Variants in CCDC25 observed in about 807,000 individuals in gnomAD.
CCDC25 encodes the protein coiled-coil domain containing 25, also known as coiled-coil domain-containing protein 25.
A neutral mutation model predicts 35.3 loss-of-function variants in CCDC25; 16 were observed. The ratio of observed to expected loss-of-function variants is 0.45; its 90% CI spans 0.31 to 0.69. The LOEUF is 0.69. Among genes scored for constraint, CCDC25 ranks in the 30% least tolerant of loss-of-function variants. The pLI is 0.06. For synonymous variants in CCDC25, 79 were observed against 80.3 expected (o/e 0.98, Z 0.09); for missense variants, 179 against 250.7 (o/e 0.71, Z 1.93).
intron 5 of CCDC25, among the ~76,000 whole-genome samples, chr8:27,750,578 C>G (rs1803764388): frequency 6.6e-6 from 1 of 152,102 alleles, no homozygotes. Context: ...CAATACAAGC[C>G]AGGTGCAAGG....
chr8:27,751,468 C>T (rs1029232331), intron 5 of CCDC25, among the ~76,000 whole-genome samples: 1 of 152,170 alleles, frequency 6.6e-6, no homozygotes, highest in Non-Finnish European at 1.5e-5. Flanking sequence ...ATTCAGGCAG[C>T]CTAAGTGAAG....
At chr8:27,751,264 G>C (rs1803793883) in intron 5 of CCDC25, among the ~76,000 whole-genome samples, 1 of 152,184 alleles carries the variant, frequency 6.6e-6, no homozygotes, top group Non-Finnish European at 1.5e-5. Flanking sequence ...CAGAAGGAAA[G>C]AATATAATGA....
intron 7 of CCDC25, 111 bp from the exon 8 acceptor site, chr8:27,740,628 A>G (rs1423349508): frequency 9.7e-6 from 8 of 824,196 alleles, no homozygotes; most frequent in African/African-American, 5.2e-5. Flanking sequence ...TAGAAGAAAC[A>G]CAAGAGCTAT....
intron 8 of CCDC25, among the ~76,000 whole-genome samples, chr8:27,739,880 C>T (rs1388799574): frequency 2.6e-5 from 4 of 152,142 alleles, no homozygotes; most frequent in African/African-American, 4.8e-5. Flanking sequence ...GAAAGACAGC[C>T]CTCAAGGACA....
intron 3 of CCDC25, among the ~76,000 whole-genome samples, chr8:27,759,470 A>G (rs1804137042): frequency 6.6e-6 from 1 of 152,060 alleles, no homozygotes; most frequent in South Asian, 2.1e-4. Flanking sequence ...TTAGCCAGGC[A>G]CAGTGGCGGG....
At chr8:27,756,546 T>C (rs1804010237) in intron 4 of CCDC25, 173 bp downstream of exon 4, 3 of 585,260 alleles carry the variant, frequency 5.1e-6, no homozygotes. Context: ...TCAAAAATCA[T>C]CTAGAATGTT....
intron 7 of CCDC25, 35 bp downstream of exon 7, chr8:27,748,042 T>C (rs1234657688): frequency 2.5e-6 from 4 of 1,585,290 alleles, no homozygotes; most frequent in South Asian, 1.1e-5. Context: ...GGAATAATCT[T>C]TGAGGTCAGT....
intron 4 of CCDC25, 151 bp downstream of exon 4, chr8:27,756,568 C>G (rs557085008): frequency 5.0e-6 from 3 of 602,718 alleles, no homozygotes; most frequent in East Asian, 5.6e-5. Flanking sequence ...GAGTGATTTT[C>G]TGGGTCAGAG....
At chr8:27,761,499 G>A (rs1381117624) in intron 3 of CCDC25, among the ~76,000 whole-genome samples, 2 of 152,212 alleles carry the variant, frequency 1.3e-5, no homozygotes, top group African/African-American at 2.4e-5. Context: ...ATAGTTAAGT[G>A]CTTGACAGAT....
At chr8:27,771,358 T>C (rs1804608495) in intron 1 of CCDC25, among the ~76,000 whole-genome samples, 1 of 152,218 alleles carries the variant, frequency 6.6e-6, no homozygotes, top group Non-Finnish European at 1.5e-5. Flanking sequence ...GAATGTATTC[T>C]TGTCATTAAG....
chr8:27,766,383 C>A (rs1804400196), intron 1 of CCDC25, among the ~76,000 whole-genome samples: 1 of 151,754 alleles, frequency 6.6e-6, no homozygotes, highest in African/African-American at 2.4e-5. Flanking sequence ...TAATGAGAAG[C>A]TTCTTAAATG....
intron 5 of CCDC25, 100 bp downstream of exon 5, chr8:27,752,412 G>T: frequency 1.1e-6 from 1 of 890,802 alleles, no homozygotes; most frequent in Non-Finnish European, 1.8e-6. Context: ...GTTATTCTTT[G>T]ATGGAGGCCA....
At chr8:27,767,920 T>G (rs563405873) in intron 1 of CCDC25, among the ~76,000 whole-genome samples, 1 of 152,046 alleles carries the variant, frequency 6.6e-6, no homozygotes, top group Non-Finnish European at 1.5e-5. Context: ...ATGTCAGAAT[T>G]TGTAGTCACA....
chr8:27,760,619 G>A (rs1012816354), intron 3 of CCDC25, among the ~76,000 whole-genome samples: 1 of 152,162 alleles, frequency 6.6e-6, no homozygotes, highest in Non-Finnish European at 1.5e-5. Context: ...TGGGGACATA[G>A]TAGTTAATGA....
chr8:27,745,432 T>G (rs1803571654), intron 7 of CCDC25, among the ~76,000 whole-genome samples: 1 of 152,180 alleles, frequency 6.6e-6, no homozygotes, highest in Non-Finnish European at 1.5e-5. Context: ...TCTTCTGGTT[T>G]CGACATCTAC....
At chr8:27,746,451 AGTAAATTAGGTGATCTTAT>A (rs1803604415) in intron 7 of CCDC25, among the ~76,000 whole-genome samples, 7 of 152,214 alleles carry the variant, frequency 4.6e-5, no homozygotes, top group Admixed American at 4.6e-4. Context: ...CAATGTTGTA[AGTAAATTAGGTGATCTTAT>A]GTTCCTAATA....
chr8:27,771,601 GACAAGTAGGGACTACTGTA>G (rs1422028278), intron 1 of CCDC25, among the ~76,000 whole-genome samples: 1 of 152,104 alleles, frequency 6.6e-6, no homozygotes, highest in Non-Finnish European at 1.5e-5. Context: ...CGAAATACAG[GACAAGTAGGGACTACTGTA>G]AAGAGATCCT....
intron 4 of CCDC25, chr8:27,754,451 A>T (rs761449910): frequency 6.6e-6 from 1 of 152,294 alleles, no homozygotes; most frequent in Non-Finnish European, 1.5e-5. Flanking sequence ...GGGGTGGGGA[A>T]AAAAAGTAGC....
chr8:27,756,608 A>T, intron 4 of CCDC25, 111 bp downstream of exon 4: 1 of 717,674 alleles, frequency 1.4e-6, no homozygotes, highest in Non-Finnish European at 2.4e-6. Flanking sequence ...GTTAACTTTT[A>T]GATTTGCGTA....
Sources: gnomAD v4.1 joint callset for allele counts (sites outside exome capture counted in the v4.1 genomes callset) on GRCh38, gnomAD v4.1.1 for gene constraint, MANE v1.5 for transcripts, NCBI Gene and HGNC (gene_info 2026-07-23, HGNC 2026-07-21) for gene names.